CPNE4: variants seen among roughly 807,000 people sequenced by gnomAD.
CPNE4 encodes the protein copine 4.
Under a neutral mutation model 67.9 loss-of-function variants are expected in CPNE4, and 25 were observed. That is an observed-to-expected ratio of 0.37 (90% CI 0.27 to 0.51). The LOEUF (loss-of-function observed/expected upper bound fraction) is 0.51. Among genes scored for constraint, CPNE4 ranks in the 20% least tolerant of loss-of-function variants. The pLI, the probability that CPNE4 is intolerant of heterozygous loss-of-function variation, is 0.93. For missense variants in CPNE4, 464 were observed against 690.8 expected, an observed-to-expected ratio of 0.67 and a Z score of 3.68; for synonymous variants, 242 against 244.9, an observed-to-expected ratio of 0.99 and a Z score of 0.11.
chr3:131,978,703 T>G (rs1277922309), intron 1 of CPNE4, among the ~76,000 whole-genome samples: 1 of 149,398 alleles, frequency 6.7e-6, no homozygotes, highest in Non-Finnish European at 1.5e-5. Context: ...AGTTCTGCTC[T>G]GATCTTGGTT....
In CPNE4 at chr3:131,581,525, T is replaced by C. The variant is rs116496358; in HGVS notation, c.867+54A>G. 672 of 1,180,666 alleles carry C rather than the reference T, an allele frequency of 5.7e-4. 4 individuals are homozygous for C. In the African/African-American group the frequency reaches 9.1e-3, roughly 16 times the overall value. The allele number at this position is 1,180,666 out of a possible 1,614,324, so 73.1% of individuals were successfully genotyped here. On this transcript the variant is annotated intron_variant, in intron 9 of 15. Coordinates refer to ENST00000429747, the MANE Select transcript of CPNE4 (RefSeq NM_130808.3). ...CCTCTGACCACACCACCTGAACTCT[T>C]CCTCTCAGATAGCCCTAGCTTCATA...
intron 2 of CPNE4, among the ~76,000 whole-genome samples, chr3:131,774,940 G>T (rs1052185955): frequency 3.3e-5 from 5 of 151,940 alleles, no homozygotes; most frequent in Non-Finnish European, 7.4e-5. Flanking sequence ...TAAAATCTTG[G>T]CCTAACATTT....
intron 1 of CPNE4, among the ~76,000 whole-genome samples, chr3:131,990,467 T>TA (rs1209257293): frequency 7.4e-6 from 1 of 134,592 alleles, no homozygotes; most frequent in Non-Finnish European, 1.7e-5. Flanking sequence ...TTCTTTTTTT[T>TA]AAACACCCCC....
At chr3:131,830,446 C>T (rs1347342709) in intron 2 of CPNE4, among the ~76,000 whole-genome samples, 1 of 152,088 alleles carries the variant, frequency 6.6e-6, no homozygotes, top group Non-Finnish European at 1.5e-5. Context: ...TCACCTCCCA[C>T]CATTCCACTC....
intron 3 of CPNE4, among the ~76,000 whole-genome samples, chr3:131,701,540 TTCTC>T (rs566773774): frequency 2.6e-4 from 39 of 152,346 alleles, no homozygotes; most frequent in African/African-American, 8.4e-4. Context: ...CTCTCATTCT[TTCTC>T]TCTCTCAGAG....
intron 2 of CPNE4, among the ~76,000 whole-genome samples, chr3:131,783,233 A>T (rs1181639460): frequency 6.6e-6 from 1 of 152,162 alleles, no homozygotes; most frequent in Non-Finnish European, 1.5e-5. Flanking sequence ...ATAAGCAAGT[A>T]CTAATTTTTA....
intron 1 of CPNE4, among the ~76,000 whole-genome samples, chr3:132,029,203 C>A (rs979996118): frequency 1.4e-4 from 21 of 152,036 alleles, no homozygotes; most frequent in Non-Finnish European, 7.4e-5. Flanking sequence ...GCGATCAGAC[C>A]CCAGAAAGGC....
At chr3:131,711,521 G>A (rs753048679) in intron 3 of CPNE4, among the ~76,000 whole-genome samples, 5 of 152,272 alleles carry the variant, frequency 3.3e-5, no homozygotes, top group South Asian at 2.1e-4. Context: ...AGGGAAGCAC[G>A]AGTAATCAGC....
intron 1 of CPNE4, among the ~76,000 whole-genome samples, chr3:132,022,682 A>T (rs1168772361): frequency 6.6e-6 from 1 of 152,088 alleles, no homozygotes; most frequent in Non-Finnish European, 1.5e-5. Flanking sequence ...CACTTTTTTG[A>T]CTTGTTTGGT....
chr3:131,955,251 A>C (rs2071911676), intron 1 of CPNE4, among the ~76,000 whole-genome samples: 1 of 151,930 alleles, frequency 6.6e-6, no homozygotes, highest in Non-Finnish European at 1.5e-5. Context: ...AATTTGTCAT[A>C]GCTTTTGGAT....
rs181503148 is a variant in CPNE4 at position 131,894,693 on chromosome 3, T to C, written c.180+10571A>G. Among the ~76,000 whole-genome samples, 708 of 151,988 alleles carry C rather than the reference T, an allele frequency of 4.7e-3. 8 individuals carry two copies. The highest frequency in any genetic ancestry group is 0.015 in the African/African-American group (625 of 41,500). On this transcript the variant is annotated intron_variant, in intron 2 of 15. Transcript: ENST00000429747. The stretch of plus-strand genomic sequence containing the variant: ...CCTCACCCAGTTAAAATGGCTATTA[T>C]CAAGAAGACAAAGGAAAATAAGTGT...
chr3:131,580,732 C>T (rs1311811775), intron 9 of CPNE4, among the ~76,000 whole-genome samples: 1 of 152,116 alleles, frequency 6.6e-6, no homozygotes, highest in East Asian at 1.9e-4. Context: ...GCATCACTCC[C>T]AGATTTGAGT....
chr3:131,743,221 T>C (rs1166089321), intron 2 of CPNE4, among the ~76,000 whole-genome samples: 1 of 152,180 alleles, frequency 6.6e-6, no homozygotes, highest in Admixed American at 6.5e-5. Context: ...CTCAAAGTTA[T>C]CTAACAGGCA....
chr3:131,848,583 A>C (rs1227781086), intron 2 of CPNE4, among the ~76,000 whole-genome samples: 1 of 150,842 alleles, frequency 6.6e-6, no homozygotes, highest in Non-Finnish European at 1.5e-5. Context: ...TTCTAAATTT[A>C]TTCTGCTGTG....
intron 2 of CPNE4, among the ~76,000 whole-genome samples, chr3:131,871,293 G>A (rs67940114): frequency 2.0e-5 from 3 of 152,062 alleles, no homozygotes; most frequent in African/African-American, 7.2e-5. Flanking sequence ...TTGGTTAAAA[G>A]ATAAGAATCA....
intron 3 of CPNE4, among the ~76,000 whole-genome samples, chr3:131,720,218 T>C (rs1443092277): frequency 2.0e-5 from 3 of 152,070 alleles, no homozygotes; most frequent in Non-Finnish European, 2.9e-5. Context: ...GTTTGCTACC[T>C]GCACAGTAGG....
At chr3:131,990,228 T>C (rs990658239) in intron 1 of CPNE4, among the ~76,000 whole-genome samples, 3 of 136,888 alleles carry the variant, frequency 2.2e-5, no homozygotes, top group East Asian at 2.3e-4. Context: ...AAAGAAAAGA[T>C]ACAATCAGTA....
At chr3:131,673,236 A>C (rs78268809) in intron 6 of CPNE4, among the ~76,000 whole-genome samples, 1,864 of 151,454 alleles carry the variant, frequency 0.012, 35 homozygotes, top group African/African-American at 0.042. Flanking sequence ...GTTTACTGTC[A>C]CTTTGTAGTA....
At chr3:131,876,597 G>T (rs2087465025) in intron 2 of CPNE4, among the ~76,000 whole-genome samples, 1 of 133,098 alleles carries the variant, frequency 7.5e-6, no homozygotes, top group South Asian at 2.3e-4. Flanking sequence ...AGCCAAGATC[G>T]CACCATTGCA....
Sources: gnomAD v4.1 joint callset for allele counts (sites outside exome capture counted in the v4.1 genomes callset) on GRCh38, gnomAD v4.1.1 for gene constraint, MANE v1.5 for transcripts, NCBI Gene and HGNC (gene_info 2026-07-23, HGNC 2026-07-21) for gene names.